The following SLC35D4 variants were observed in gnomAD, a reference collection of about 807,000 sequenced individuals.
SLC35D4 encodes solute carrier family 35 member D4.
At chr18:23,404,474 A>G in the SLC35D4 span, among the ~76,000 whole-genome samples, 1 of 151,516 alleles carries the variant, frequency 6.6e-6, no homozygotes, top group Non-Finnish European at 1.5e-5. Flanking sequence ...GGAGATCGAG[A>G]CCATCCTGGC....
chr18:23,358,766 C>T, the SLC35D4 span, among the ~76,000 whole-genome samples: 1 of 152,170 alleles, frequency 6.6e-6, no homozygotes, highest in Admixed American at 6.5e-5. Context: ...ACCTGATCAT[C>T]TCTTGCCTTC....
the SLC35D4 span, among the ~76,000 whole-genome samples, chr18:23,276,724 TA>T: frequency 6.6e-6 from 1 of 152,216 alleles, no homozygotes; most frequent in African/African-American, 2.4e-5. Context: ...CCTGCCCGCC[TA>T]TCCTCCCTGC....
At chr18:23,406,296 G>A in the SLC35D4 span, among the ~76,000 whole-genome samples, 11 of 152,274 alleles carry the variant, frequency 7.2e-5, no homozygotes, top group East Asian at 1.9e-3. Context: ...CCCTGGGCTG[G>A]GCTATGTTCT....
chr18:23,246,490 C>T, the SLC35D4 span, among the ~76,000 whole-genome samples: 1 of 151,940 alleles, frequency 6.6e-6, no homozygotes, highest in Non-Finnish European at 1.5e-5. Context: ...CTCCCGGGTT[C>T]ACGCCATTCT....
the SLC35D4 span, among the ~76,000 whole-genome samples, chr18:23,385,822 C>T: frequency 6.6e-6 from 1 of 151,898 alleles, no homozygotes; most frequent in Non-Finnish European, 1.5e-5. Context: ...AGTCTAGGGG[C>T]GCCATAGGAT....
chr18:23,272,026 CCTAAGTT>C, the SLC35D4 span, among the ~76,000 whole-genome samples: 1 of 152,120 alleles, frequency 6.6e-6, no homozygotes, highest in Non-Finnish European at 1.5e-5. Flanking sequence ...AAAGTGTTTC[CCTAAGTT>C]CTGTGAGCTG....
At chr18:23,244,096 C>T in the SLC35D4 span, among the ~76,000 whole-genome samples, 1 of 152,192 alleles carries the variant, frequency 6.6e-6, no homozygotes, top group African/African-American at 2.4e-5. Context: ...CAGTTTGGCT[C>T]ATTCTCTACT....
At chr18:23,319,244 C>CTTTATTTA in the SLC35D4 span, among the ~76,000 whole-genome samples, 988 of 147,396 alleles carry the variant, frequency 6.7e-3, 10 homozygotes, top group African/African-American at 0.02. Flanking sequence ...TATTTCAGTG[C>CTTTATTTA]TTTATTTATT....
the SLC35D4 span, among the ~76,000 whole-genome samples, chr18:23,343,685 C>T: frequency 1.1e-4 from 16 of 152,220 alleles, no homozygotes; most frequent in East Asian, 3.9e-4. Flanking sequence ...TAGTACCCAA[C>T]GAGTAGTTTT....
At chr18:23,417,606 A>AT in the SLC35D4 span, among the ~76,000 whole-genome samples, 46 of 152,342 alleles carry the variant, frequency 3.0e-4, no homozygotes, top group Middle Eastern at 3.4e-3. Context: ...AGTTATGATG[A>AT]TTGTACAATA....
At chr18:23,253,915 C>T in the SLC35D4 span, 10 of 1,614,122 alleles carry the variant, frequency 6.2e-6, no homozygotes, top group African/African-American at 2.7e-5. Flanking sequence ...TCAAAAAACA[C>T]GAAGTCAAGC....
the SLC35D4 span, among the ~76,000 whole-genome samples, chr18:23,250,812 C>T: frequency 1.3e-5 from 2 of 152,300 alleles, no homozygotes; most frequent in South Asian, 4.1e-4. Context: ...CTCTTCCAGC[C>T]AAGTGTTCGA....
At chr18:23,246,539 C>G in the SLC35D4 span, among the ~76,000 whole-genome samples, 1 of 151,844 alleles carries the variant, frequency 6.6e-6, no homozygotes, top group East Asian at 2.0e-4. Flanking sequence ...CTACAGGCAC[C>G]CGCCACCACA....
the SLC35D4 span, among the ~76,000 whole-genome samples, chr18:23,411,686 C>T: frequency 6.6e-6 from 1 of 152,142 alleles, no homozygotes; most frequent in African/African-American, 2.4e-5. Flanking sequence ...TATTTATAAG[C>T]ACAAATACTG....
chr18:23,253,975 C>A, the SLC35D4 span: 2 of 1,567,216 alleles, frequency 1.3e-6, no homozygotes, highest in Non-Finnish European at 1.8e-6. Flanking sequence ...GGAGCACATG[C>A]TCCGGTCCGG....
chr18:23,401,696 G>A, the SLC35D4 span, among the ~76,000 whole-genome samples: 43 of 152,286 alleles, frequency 2.8e-4, no homozygotes, highest in African/African-American at 4.8e-4. Context: ...GCCTCACTGC[G>A]GGAGGCCCAG....
the SLC35D4 span, among the ~76,000 whole-genome samples, chr18:23,246,592 C>T: frequency 6.8e-3 from 1,027 of 151,762 alleles, 13 homozygotes; most frequent in African/African-American, 0.018. Flanking sequence ...GGGGTTTCAC[C>T]GTGTTAGCCA....
chr18:23,350,745 C>T, the SLC35D4 span, among the ~76,000 whole-genome samples: 1 of 152,072 alleles, frequency 6.6e-6, no homozygotes, highest in African/African-American at 2.4e-5. Flanking sequence ...AGACAATCCT[C>T]CAAACAGAGT....
chr18:23,303,411 T>A, the SLC35D4 span, among the ~76,000 whole-genome samples: 1 of 152,348 alleles, frequency 6.6e-6, no homozygotes, highest in South Asian at 2.1e-4. Context: ...GTTCACAGGA[T>A]GTGAAACAGC....
Sources: allele counts gnomAD v4.1 joint callset (sites outside exome capture counted in the v4.1 genomes callset), GRCh38; gene constraint gnomAD v4.1.1; transcripts MANE v1.5; gene names NCBI Gene and HGNC (gene_info 2026-07-23, HGNC 2026-07-21).